Variants in AGAP9 observed in about 807,000 individuals in gnomAD.
The protein encoded by AGAP9 is ArfGAP with GTPase domain, ankyrin repeat and PH domain 9.
A neutral mutation model predicts 55.6 loss-of-function variants in AGAP9; 23 were observed. The observed-to-expected ratio is 0.41, with a 90% confidence interval of 0.30 to 0.59. The LOEUF (loss-of-function observed/expected upper bound fraction) is 0.59. AGAP9 is among the 20% of genes least tolerant of loss of function. The probability of loss-of-function intolerance (pLI) is 0.25; values close to 1 mark genes in which losing one functional copy is unlikely to be tolerated. For missense variants in AGAP9, 309 were observed against 808.1 expected (o/e 0.38, Z 7.49); for synonymous variants, 120 against 305.0 (o/e 0.39, Z 6.32).
At chr10:47,521,520 A>G in intron 2 of AGAP9, among the ~76,000 whole-genome samples, 1 of 140,954 alleles carries the variant, frequency 7.1e-6, no homozygotes, top group Non-Finnish European at 1.5e-5. Context: ...GAGCTATAAG[A>G]CATTTCCTCT....
In AGAP9 at chr10:47,506,733, A is replaced by T. The variant is rs1840486776; in HGVS notation, c.533+815T>A. On this transcript the variant is annotated intron_variant, in intron 6 of 7. Coordinates refer to ENST00000452145, the MANE Select transcript of AGAP9 (RefSeq NM_001190810.1). ...CAGCTCTCTGCAACCTCCGCCTCCC[A>T]AGTTCAAGCGGTTCTCCTGCCTCAG... Among the ~76,000 whole-genome samples the T allele has an allele frequency of 1.4e-5, 2 of 144,954 alleles. 1 individual carries two copies. Among genetic ancestry groups the T allele is most frequent in the East Asian group, 5.4e-4 (2 of 3,706 alleles).
chr10:47,502,042 C>G lies in AGAP9; in HGVS notation c.*110G>C. On this transcript the variant is annotated 3_prime_UTR_variant, in exon 8 of 8. Transcript: ENST00000452145. ...CCTTATTTTTCCCATTTTGTTTTTG[C>G]ACCAAGGAGACTGCAGTCAAATAAA... 1 of 1,514,402 alleles carries G rather than the reference C, an allele frequency of 6.6e-7. No individual in the cohort carries two copies. Among genetic ancestry groups the G allele is most frequent in the Non-Finnish European group, 9.0e-7 (1 of 1,110,830 alleles). The allele number at this position is 1,514,402 out of a possible 1,614,324, so 93.8% of individuals were successfully genotyped here.
At chr10:47,513,095 G>T (rs1445609185) in intron 4 of AGAP9, among the ~76,000 whole-genome samples, 1 of 144,480 alleles carries the variant, frequency 6.9e-6, no homozygotes, top group Non-Finnish European at 1.5e-5. Context: ...TATGCAATGC[G>T]GTGATCTTGG....
In AGAP9 at chr10:47,502,447, T is replaced by G; in HGVS notation, c.1682A>C (p.Glu561Ala). ...QTKPSIKSTR[E>A]EKEWWIRSKY... Reference sequence around the variant, plus strand: ...GGAACGGATCCACCATTCCTTCTCTTCCCTCGTGGACTTTATTGAGGGTTT... The same window carrying G: ...GGAACGGATCCACCATTCCTTCTCTGCCCTCGTGGACTTTATTGAGGGTTT... Residue 561 changes from glutamate (E) to alanine (A), a missense_variant, in exon 8 of 8, where the codon GAA (glutamate) becomes GCA (alanine). Physicochemically the swap from Glu to Ala is moderately radical, Grantham distance 107 (BLOSUM62 -1). Coordinates refer to ENST00000452145, the MANE Select transcript of AGAP9 (RefSeq NM_001190810.1). The G allele has an allele frequency of 1.2e-6, 2 of 1,612,372 alleles. No homozygotes were observed. Among genetic ancestry groups the G allele is most frequent in the Non-Finnish European group, 1.7e-6 (2 of 1,179,912 alleles).
chr10:47,505,512 ATCC>A (rs1840458198), intron 6 of AGAP9, among the ~76,000 whole-genome samples: 1 of 139,176 alleles, frequency 7.2e-6, no homozygotes, highest in Non-Finnish European at 1.5e-5. Context: ...TTTTTAAAGA[ATCC>A]GTGATTTAAC....
rs1840669048 is a variant in AGAP9, at chr10:47,513,385, T to C, written c.397-3114A>G. On this transcript the variant is annotated intron_variant, in intron 4 of 7. Coordinates refer to ENST00000452145, the MANE Select transcript of AGAP9 (RefSeq NM_001190810.1). ...AACTACAAAACATTGCTGAATGAAG[T>C]CATGGACACAGACAAATGGAAAGAC... Among the ~76,000 whole-genome samples the C allele has an allele frequency of 1.4e-5, 2 of 142,064 alleles. 1 individual carries two copies. The highest frequency in any genetic ancestry group is 5.1e-5 in the African/African-American group (2 of 39,070). 93.2% of individuals were successfully genotyped at this position (142,064 alleles called of 152,430 possible).
intron 5 of AGAP9, among the ~76,000 whole-genome samples, 152 bp downstream of exon 5, chr10:47,510,019 T>A (rs1840570996): frequency 7.1e-6 from 1 of 141,812 alleles, no homozygotes; most frequent in Admixed American, 7.2e-5. Context: ...CGTCTAAGAT[T>A]AAAAGAGAAA....
At position 47,507,599 on chromosome 10, in the gene AGAP9, A is replaced by G; in HGVS notation, c.498-16T>C. The G allele has an allele frequency of 6.5e-7, 1 of 1,531,296 alleles. No homozygotes were observed. 94.9% of individuals were successfully genotyped at this position (1,531,296 alleles called of 1,614,324 possible). On this transcript the variant is annotated splice_polypyrimidine_tract_variant and intron_variant, in intron 5 of 7. Transcript: ENST00000452145. ...CAAGGTCACACTGTGGAAGGAAAAC[A>G]AATTCATAACAATAGATGTTATCAT...
chr10:47,521,348 ACAAT>A (rs1316057804), intron 2 of AGAP9, among the ~76,000 whole-genome samples: 1 of 140,790 alleles, frequency 7.1e-6, no homozygotes, highest in Non-Finnish European at 1.5e-5. Context: ...GTATAAAGGT[ACAAT>A]CAATTAATTC....
chr10:47,520,880 G>T (rs1484385568), intron 2 of AGAP9, among the ~76,000 whole-genome samples: 1 of 130,420 alleles, frequency 7.7e-6, no homozygotes. Flanking sequence ...GGTAAATTTT[G>T]GCTTTGAGTT....
At chr10:47,504,846 CTTTTTTTTTTTTT>C (rs59529030) in intron 6 of AGAP9, among the ~76,000 whole-genome samples, 5 of 46,846 alleles carry the variant, frequency 1.1e-4, no homozygotes, top group East Asian at 1.1e-3. Context: ...CATAACTGTT[CTTTTTTTTTTTTT>C]TTTTTTTTTT....
chr10:47,513,113 C>CCAAGTGAGGCAGGTG (rs1840660767), intron 4 of AGAP9, among the ~76,000 whole-genome samples: 1 of 147,532 alleles, frequency 6.8e-6, no homozygotes, highest in Non-Finnish European at 1.5e-5. Flanking sequence ...TGGCTCACTG[C>CCAAGTGAGGCAGGTG]AACCTCTGCC....
At chr10:47,518,248 G>GA (rs1489500260) in intron 3 of AGAP9, among the ~76,000 whole-genome samples, 2 of 30,788 alleles carry the variant, frequency 6.5e-5, no homozygotes, top group Admixed American at 4.1e-4. Flanking sequence ...CAGACTCTAA[G>GA]AGCTAACAGC....
In AGAP9 at chr10:47,502,673, T is replaced by C. The variant is rs1840379486; in HGVS notation, c.1456A>G (p.Asn486Asp). 4.4e-6 allele frequency: 7 copies of C among 1,608,290 alleles called. No individual in the cohort carries two copies. In the South Asian group the frequency reaches 7.7e-5, roughly 18 times the overall value. The change falls in exon 8 of 8, where the codon AAT becomes GAT. Residue 486 changes from asparagine to aspartate, a missense_variant. Coordinates refer to ENST00000452145, the MANE Select transcript of AGAP9 (RefSeq NM_001190810.1). Reference sequence around the variant, plus strand: ...AAGTTCAAACTGGCCCACTTAGGATTCTGGGTCTCACAGTCCACACAGTGG... The same window carrying C: ...AAGTTCAAACTGGCCCACTTAGGATCCTGGGTCTCACAGTCCACACAGTGG... Reference protein sequence around the residue: ...NAHCVDCETQNPKWASLNLGV... With the variant: ...NAHCVDCETQDPKWASLNLGV...
In AGAP9 at chr10:47,509,878, C is replaced by CA. The variant is rs1375496161; in HGVS notation, c.497+292dup. On this transcript the variant is annotated intron_variant, in intron 5 of 7. Transcript: ENST00000452145. ...GATGCATTGAAAAACTAAGTTTCCA[C>CA]AAAAAACATTCAATAAAGGGAACCT... Among the ~76,000 whole-genome samples the CA allele has an allele frequency of 8.9e-5, 12 of 134,714 alleles. 1 individual carries two copies. In the Admixed American group the frequency reaches 9.3e-4, roughly 10 times the overall value. The allele number at this position is 134,714 out of a possible 152,430, so 88.4% of individuals were successfully genotyped here. A position where few individuals can be genotyped will look rare whatever the true frequency, so the allele number is the denominator to read the frequency against.
At chr10:47,522,053 C>T (rs1358278183) in intron 2 of AGAP9, among the ~76,000 whole-genome samples, 1,676 of 150,856 alleles carry the variant, frequency 0.011, 12 homozygotes, top group Non-Finnish European at 0.019. Context: ...TCCCAAAGTG[C>T]TGGGATTACA....
chr10:47,522,037 A>T (rs1298339297), intron 2 of AGAP9, among the ~76,000 whole-genome samples: 1 of 150,660 alleles, frequency 6.6e-6, no homozygotes, highest in Non-Finnish European at 1.5e-5. Flanking sequence ...TCCGCCTGCC[A>T]CAGCCTCCCA....
intron 6 of AGAP9, among the ~76,000 whole-genome samples, chr10:47,507,136 A>G (rs1241138983): frequency 1.4e-5 from 2 of 140,812 alleles, no homozygotes; most frequent in South Asian, 2.3e-4. Flanking sequence ...TTCTGTTTTT[A>G]TAAACTGGGT....
chr10:47,502,114 G>A lies in AGAP9; in HGVS notation c.*38C>T, dbSNP rs2132469439. On this transcript the variant is annotated 3_prime_UTR_variant, in exon 8 of 8. Transcript: ENST00000452145. The stretch of plus-strand genomic sequence containing the variant: ...CGGGGCAGCCGTACTGCAGAAGCAC[G>A]TTGATGCACTCCTGGCTGGAGGCCT... 14 of 1,573,824 alleles carry A rather than the reference G, an allele frequency of 8.9e-6. No homozygotes were observed. The highest frequency in any genetic ancestry group is 2.2e-5 in the South Asian group (2 of 89,448).
Sources: allele counts gnomAD v4.1 joint callset (sites outside exome capture counted in the v4.1 genomes callset), GRCh38; gene constraint gnomAD v4.1.1; transcripts MANE v1.5; gene names NCBI Gene and HGNC (gene_info 2026-07-23, HGNC 2026-07-21).